The following TNFRSF21 variants were observed in gnomAD, a reference collection of about 807,000 sequenced individuals.
The protein encoded by TNFRSF21 is tumor necrosis factor receptor superfamily member 21.
Under a neutral mutation model 45.6 loss-of-function variants are expected in TNFRSF21, and 19 were observed. The ratio of observed to expected loss-of-function variants is 0.42; its 90% CI spans 0.29 to 0.61. The LOEUF is 0.61. Ranked by LOEUF, TNFRSF21 falls within the 20% of genes least tolerant of loss-of-function variation. The pLI is 0.23. For synonymous variants in TNFRSF21, 314 were observed against 335.5 expected, an observed-to-expected ratio of 0.94 and a Z score of 0.70; for missense variants, 737 against 851.5, an observed-to-expected ratio of 0.87 and a Z score of 1.67.
chr6:47,232,829 T>A lies in TNFRSF21; in HGVS notation c.1904A>T (p.Lys635Met), dbSNP rs148679512. ...LDRLFEIIGVKSQEASQTLLD... is the reference protein window; with the variant it reads ...LDRLFEIIGVMSQEASQTLLD... ...GAGGGTCTGGCTGGCTTCCTGGCTC[T>A]TGACTCCAATAATTTCGAATAGCCG... The change falls in exon 6 of 6, where the codon AAG (lysine) becomes ATG (methionine). Residue 635 changes from lysine (K) to methionine (M), a missense_variant. Physicochemically the swap from Lys to Met is moderately conservative, Grantham distance 95. Coordinates refer to ENST00000296861, the MANE Select transcript of TNFRSF21 (RefSeq NM_014452.5). 15 of 1,614,114 alleles carry A rather than the reference T, an allele frequency of 9.3e-6. No homozygotes were observed. Among genetic ancestry groups the A allele is most frequent in the Non-Finnish European group, 1.2e-5 (14 of 1,180,052 alleles).
chr6:47,253,309 G>A lies in TNFRSF21; in HGVS notation c.1456C>T (p.Arg486Trp). ...ATCTTCTCCACAACATCGTTTCTCC[G>A]GTGCTGGCGCAGGGCGCTAATTAGC... is the stretch of plus-strand genomic sequence containing the variant. Reference protein sequence around the residue: ...AQLISALRQHRRNDVVEKIRG... With the variant: ...AQLISALRQHWRNDVVEKIRG... The change falls in exon 4 of 6, where the codon CGG (arginine) becomes TGG (tryptophan). Residue 486 changes from arginine to tryptophan, a missense_variant. Arg to Trp is a moderately radical substitution (Grantham distance 101). Coordinates refer to ENST00000296861, the MANE Select transcript of TNFRSF21 (RefSeq NM_014452.5). 1.2e-6 allele frequency: 2 copies of A among 1,613,776 alleles called. No homozygotes were observed. The highest frequency in any genetic ancestry group is 1.7e-6 in the Non-Finnish European group (2 of 1,179,884).
At chr6:47,296,316 T>C (rs1762788695) in intron 1 of TNFRSF21, among the ~76,000 whole-genome samples, 2 of 152,086 alleles carry the variant, frequency 1.3e-5, no homozygotes, top group African/African-American at 2.4e-5. Context: ...TTTTAGTCTA[T>C]AGTGTGCCGA....
intron 1 of TNFRSF21, among the ~76,000 whole-genome samples, chr6:47,304,225 T>C (rs1482593981): frequency 6.6e-6 from 1 of 151,682 alleles, no homozygotes; most frequent in Non-Finnish European, 1.5e-5. Context: ...AGTCACTCAA[T>C]TCATACCAGC....
chr6:47,249,528 A>G (rs941750375), intron 4 of TNFRSF21, among the ~76,000 whole-genome samples: 10 of 152,336 alleles, frequency 6.6e-5, no homozygotes, highest in African/African-American at 2.2e-4. Flanking sequence ...TCTTTAGGCA[A>G]AAGAAAAATT....
At chr6:47,264,330 C>A (rs1018256510) in intron 3 of TNFRSF21, among the ~76,000 whole-genome samples, 1 of 152,168 alleles carries the variant, frequency 6.6e-6, no homozygotes, top group Non-Finnish European at 1.5e-5. Flanking sequence ...GAGTTTGAGA[C>A]CAGCTTGGCC....
intron 3 of TNFRSF21, among the ~76,000 whole-genome samples, chr6:47,271,582 G>A (rs913424821): frequency 6.6e-5 from 10 of 152,094 alleles, no homozygotes; most frequent in African/African-American, 1.7e-4. Context: ...GAAGACTGTC[G>A]ATGCTATGAA....
chr6:47,253,633 T>A, intron 3 of TNFRSF21, 112 bp from the exon 4 acceptor site: 1 of 1,301,640 alleles, frequency 7.7e-7, no homozygotes, highest in Non-Finnish European at 1.0e-6. Flanking sequence ...CCTATCGCTG[T>A]ATGTCAAAGG....
intron 1 of TNFRSF21, among the ~76,000 whole-genome samples, chr6:47,306,025 T>C (rs1018924797): frequency 3.3e-5 from 5 of 152,164 alleles, no homozygotes; most frequent in South Asian, 2.1e-4. Flanking sequence ...GGCAGAATAG[T>C]ACAATTGGTA....
At chr6:47,268,623 C>A (rs562368497) in intron 3 of TNFRSF21, among the ~76,000 whole-genome samples, 1 of 70,456 alleles carries the variant, frequency 1.4e-5, no homozygotes, top group South Asian at 3.9e-4. Flanking sequence ...TATCTCACAG[C>A]CAGTTCTTTC....
chr6:47,276,982 G>T, intron 3 of TNFRSF21, among the ~76,000 whole-genome samples: 1 of 151,948 alleles, frequency 6.6e-6, no homozygotes, highest in Admixed American at 6.6e-5. Context: ...CAGTTTTTTT[G>T]GTTTTGTTTT....
intron 3 of TNFRSF21, among the ~76,000 whole-genome samples, chr6:47,254,290 G>C (rs940928009): frequency 3.3e-5 from 5 of 152,220 alleles, no homozygotes; most frequent in African/African-American, 9.6e-5. Flanking sequence ...CAGCAGGACA[G>C]AGCAGGATGG....
intron 4 of TNFRSF21, among the ~76,000 whole-genome samples, chr6:47,241,386 A>G (rs1764740920): frequency 6.6e-6 from 1 of 152,218 alleles, no homozygotes; most frequent in African/African-American, 2.4e-5. Context: ...AGATGATGAG[A>G]GACAATGATT....
At chr6:47,261,657 GC>G (rs1765075500) in intron 3 of TNFRSF21, among the ~76,000 whole-genome samples, 1 of 152,218 alleles carries the variant, frequency 6.6e-6, no homozygotes, top group Non-Finnish European at 1.5e-5. Context: ...CTCTCCCTCT[GC>G]CAGTGCCCTC....
chr6:47,275,519 G>A (rs544280986), intron 3 of TNFRSF21, among the ~76,000 whole-genome samples: 29 of 152,120 alleles, frequency 1.9e-4, no homozygotes, highest in Middle Eastern at 3.2e-3. Flanking sequence ...TGGCGGACTC[G>A]GGGAAGGATA....
At chr6:47,253,653 C>G in intron 3 of TNFRSF21, 132 bp from the exon 4 acceptor site, 1 of 1,082,294 alleles carries the variant, frequency 9.2e-7, no homozygotes, top group South Asian at 1.6e-5. Flanking sequence ...GAATGCATTG[C>G]CTCCCTTAAG....
intron 3 of TNFRSF21, among the ~76,000 whole-genome samples, chr6:47,274,345 A>G (rs1208696202): frequency 6.6e-6 from 1 of 152,174 alleles, no homozygotes; most frequent in East Asian, 1.9e-4. Flanking sequence ...CACATCTATA[A>G]CCACCTGATC....
At chr6:47,245,096 G>C (rs965956833) in intron 4 of TNFRSF21, among the ~76,000 whole-genome samples, 1 of 152,152 alleles carries the variant, frequency 6.6e-6, no homozygotes, top group Non-Finnish European at 1.5e-5. Context: ...GCCAGGAAGG[G>C]TGTAGATTAA....
intron 4 of TNFRSF21, among the ~76,000 whole-genome samples, chr6:47,247,669 T>C (rs1022514315): frequency 2.0e-5 from 3 of 152,098 alleles, no homozygotes; most frequent in Non-Finnish European, 4.4e-5. Flanking sequence ...CTCACCAAAA[T>C]AGAAGGCCCA....
chr6:47,296,031 C>A (rs1452829358), intron 1 of TNFRSF21, among the ~76,000 whole-genome samples: 1 of 152,144 alleles, frequency 6.6e-6, no homozygotes, highest in African/African-American at 2.4e-5. Context: ...AGTCCTGGGG[C>A]CACAGAACCT....
Sources: gnomAD v4.1 joint callset for allele counts (sites outside exome capture counted in the v4.1 genomes callset) on GRCh38, gnomAD v4.1.1 for gene constraint, MANE v1.5 for transcripts, NCBI Gene and HGNC (gene_info 2026-07-23, HGNC 2026-07-21) for gene names.